Variants in ANKRD13C observed in about 807,000 individuals in gnomAD.
The protein encoded by ANKRD13C is ankyrin repeat domain 13C.
Under a neutral mutation model 65.5 loss-of-function variants are expected in ANKRD13C, and 16 were observed. That is an observed-to-expected ratio of 0.24 (90% CI 0.17 to 0.37). The LOEUF is 0.37. ANKRD13C is among the 10% of genes least tolerant of loss of function. The pLI is 1.00. For missense variants in ANKRD13C, 503 were observed against 655.9 expected (o/e 0.77, Z 2.55); for synonymous variants, 235 against 238.7 (o/e 0.98, Z 0.14).
chr1:70,310,480 GACTTTTTGCATCA>G (rs1680803818), intron 5 of ANKRD13C, among the ~76,000 whole-genome samples: 5 of 152,134 alleles, frequency 3.3e-5, no homozygotes, highest in African/African-American at 1.2e-4. Flanking sequence ...CAGATGTGCT[GACTTTTTGCATCA>G]AAGTCAAATT....
At chr1:70,279,953 T>C (rs977962802) in intron 9 of ANKRD13C, among the ~76,000 whole-genome samples, 1 of 152,172 alleles carries the variant, frequency 6.6e-6, no homozygotes, top group African/African-American at 2.4e-5. Context: ...GTTTCCCTTA[T>C]GGTATAATGG....
intron 3 of ANKRD13C, among the ~76,000 whole-genome samples, chr1:70,324,649 T>C (rs1385821650): frequency 6.6e-6 from 1 of 151,950 alleles, no homozygotes; most frequent in African/African-American, 2.4e-5. Context: ...GAAAAAAAAA[T>C]TCATAATTTT....
intron 3 of ANKRD13C, among the ~76,000 whole-genome samples, chr1:70,320,349 G>C (rs1228717343): frequency 6.7e-6 from 1 of 150,278 alleles, no homozygotes; most frequent in Admixed American, 6.6e-5. Flanking sequence ...TTTTTCTTGA[G>C]ACAGGGTCTC....
rs1011076344 is a variant in ANKRD13C, at chr1:70,261,560, G to A, written c.*1157C>T. On this transcript the variant is annotated 3_prime_UTR_variant, in exon 13 of 13. Transcript: ENST00000370944. ...TAAGAAAAATTTTAAGTGCAAAAAT[G>A]AGTAATACATGATTTTATCACTTTG... The A allele has an allele frequency of 6.6e-6, 1 of 151,962 alleles. No individual in the cohort carries two copies. The highest frequency in any genetic ancestry group is 1.5e-5 in the Non-Finnish European group (1 of 67,906). The allele number at this position is 151,962 out of a possible 1,614,324, so 9.4% of individuals were successfully genotyped here.
chr1:70,305,328 T>C (rs924188032), intron 6 of ANKRD13C, among the ~76,000 whole-genome samples: 1 of 152,186 alleles, frequency 6.6e-6, no homozygotes, highest in Non-Finnish European at 1.5e-5. Flanking sequence ...GAAGTCCTGG[T>C]TCAGCCATTA....
rs868589299 is a variant in ANKRD13C, at chr1:70,341,608, C to A, written c.431-5509G>T. Among the ~76,000 whole-genome samples, 7 of 152,124 alleles carry A rather than the reference C, an allele frequency of 4.6e-5. No homozygotes were observed. In the South Asian group the frequency reaches 1.5e-3, roughly 32 times the overall value. ...CTCCGGACCTCAAGTGATCTGCCTG[C>A]CTCAGCCTCCCAAAGTGATGGGATT... On this transcript the variant is annotated intron_variant, in intron 1 of 12. Coordinates refer to ENST00000370944, the MANE Select transcript of ANKRD13C (RefSeq NM_030816.5).
At chr1:70,316,843 G>A (rs1299537303) in intron 3 of ANKRD13C, among the ~76,000 whole-genome samples, 2 of 151,964 alleles carry the variant, frequency 1.3e-5, no homozygotes, top group African/African-American at 2.4e-5. Flanking sequence ...AATGTGCATC[G>A]GGGAAAATAT....
chr1:70,317,998 C>T (rs1681142351), intron 3 of ANKRD13C, among the ~76,000 whole-genome samples: 2 of 152,064 alleles, frequency 1.3e-5, no homozygotes, highest in East Asian at 1.9e-4. Context: ...TAAATAACGA[C>T]CAAACATCAT....
intron 3 of ANKRD13C, among the ~76,000 whole-genome samples, chr1:70,316,120 T>C (rs1429109999): frequency 2.0e-5 from 3 of 152,198 alleles, no homozygotes; most frequent in African/African-American, 7.2e-5. Context: ...TACCAGGTGT[T>C]ATCTGTTCTT....
intron 2 of ANKRD13C, among the ~76,000 whole-genome samples, chr1:70,330,308 A>G (rs777855995): frequency 2.0e-5 from 3 of 152,166 alleles, no homozygotes; most frequent in Non-Finnish European, 2.9e-5. Flanking sequence ...CTACAATCCC[A>G]GCAGTTTGGG....
chr1:70,270,738 T>A (rs1393775038), intron 12 of ANKRD13C, 118 bp downstream of exon 12: 2 of 652,634 alleles, frequency 3.1e-6, no homozygotes, highest in Non-Finnish European at 5.3e-6. Context: ...TCCTAAAAGG[T>A]CACGAACCAA....
At chr1:70,306,624 G>A (rs1377248225) in intron 5 of ANKRD13C, among the ~76,000 whole-genome samples, 1 of 152,060 alleles carries the variant, frequency 6.6e-6, no homozygotes, top group African/African-American at 2.4e-5. Context: ...CCTCCTGAAT[G>A]GGTAACCAGA....
intron 3 of ANKRD13C, among the ~76,000 whole-genome samples, chr1:70,319,499 C>T (rs542103246): frequency 1.3e-5 from 2 of 151,312 alleles, no homozygotes; most frequent in African/African-American, 4.9e-5. Flanking sequence ...CTCAGCTACT[C>T]GGGAGACTGG....
At chr1:70,349,540 CAAAAGT>C (rs1682661651) in intron 1 of ANKRD13C, among the ~76,000 whole-genome samples, 1 of 151,026 alleles carries the variant, frequency 6.6e-6, no homozygotes, top group Non-Finnish European at 1.5e-5. Context: ...TATTTTACCA[CAAAAGT>C]AAAAGCTCTA....
At chr1:70,353,703 A>T (rs1032556962) in intron 1 of ANKRD13C, among the ~76,000 whole-genome samples, 7 of 152,248 alleles carry the variant, frequency 4.6e-5, no homozygotes, top group Non-Finnish European at 1.0e-4. Context: ...AATTTCTGAC[A>T]GTCCAGAATC....
At chr1:70,262,942 G>GAAAAA in intron 12 of ANKRD13C, 95 bp from the exon 13 acceptor site, 3 of 315,444 alleles carry the variant, frequency 9.5e-6, no homozygotes, top group East Asian at 9.1e-5. Flanking sequence ...TCCTTAAAAT[G>GAAAAA]TAAAAAAAAA....
chr1:70,273,037 A>T (rs1035941408), intron 11 of ANKRD13C, among the ~76,000 whole-genome samples: 1 of 151,790 alleles, frequency 6.6e-6, no homozygotes, highest in African/African-American at 2.4e-5. Flanking sequence ...TAATAAAATA[A>T]AATTGGTGCA....
At chr1:70,295,564 A>T (rs1680047496) in intron 8 of ANKRD13C, among the ~76,000 whole-genome samples, 1 of 152,112 alleles carries the variant, frequency 6.6e-6, no homozygotes, top group Admixed American at 6.5e-5. Context: ...TTCCGAATAT[A>T]TATTTGAATA....
At chr1:70,302,379 A>G (rs147734289) in intron 6 of ANKRD13C, among the ~76,000 whole-genome samples, 4,271 of 152,196 alleles carry the variant, frequency 0.028, 152 homozygotes, top group Admixed American at 0.1. Context: ...AGAAGCTAGA[A>G]TTCAGCTTTA....
Sources: allele counts gnomAD v4.1 joint callset (sites outside exome capture counted in the v4.1 genomes callset), GRCh38; gene constraint gnomAD v4.1.1; transcripts MANE v1.5; gene names NCBI Gene and HGNC (gene_info 2026-07-23, HGNC 2026-07-21).